Variants in KIRREL3 observed in about 807,000 individuals in gnomAD.
KIRREL3 encodes the protein kin of IRRE-like protein 3.
Under a neutral mutation model 89.7 loss-of-function variants are expected in KIRREL3, and 36 were observed. The ratio of observed to expected loss-of-function variants is 0.40; its 90% CI spans 0.31 to 0.53. The LOEUF is 0.53. KIRREL3 is among the 20% of genes least tolerant of loss of function. The pLI, the probability that KIRREL3 is intolerant of heterozygous loss-of-function variation, is 0.49. For missense variants in KIRREL3, 864 were observed against 1,056.6 expected (o/e 0.82, Z 2.53); for synonymous variants, 445 against 441.4 (o/e 1.01, Z -0.10).
Position 126,736,376 on chromosome 11 carries a change from G to A in KIRREL3, c.56-173464C>T, listed in dbSNP as rs923175360. 2.0e-5 allele frequency among the ~76,000 whole-genome samples: 3 copies of A among 152,160 alleles called. No homozygotes were observed. Among genetic ancestry groups the A allele is most frequent in the Non-Finnish European group, 2.9e-5 (2 of 68,046 alleles). On this transcript the variant is annotated intron_variant, in intron 1 of 16. Coordinates refer to ENST00000525144, the MANE Select transcript of KIRREL3 (RefSeq NM_032531.4). The surrounding 1 kb of genome is among the most constrained non-coding windows in gnomAD (Gnocchi z 5.0). ...TTGACAAGTCATACACAGCTAAAAC[G>A]TAGATGCCAGAGCCAGGATTTGATG...
chr11:126,520,958 G>A lies in KIRREL3; in HGVS notation c.433+357C>T, dbSNP rs901219438. On this transcript the variant is annotated intron_variant, in intron 4 of 16. Transcript: ENST00000525144. The surrounding 1 kb of genome is among the most constrained non-coding windows in gnomAD (Gnocchi z 4.9). ...TTCAGAAAGAAGGGACCCACAGCCT[G>A]TGCCACATTCTTCCTGGCACGGAGC... is the stretch of plus-strand genomic sequence containing the variant. Among the ~76,000 whole-genome samples, 1 of 152,206 alleles carries A rather than the reference G, an allele frequency of 6.6e-6. No individual in the cohort carries two copies. Among genetic ancestry groups the A allele is most frequent in the Non-Finnish European group, 1.5e-5 (1 of 68,036 alleles).
At chr11:126,809,393 A>G (rs1013034662) in intron 1 of KIRREL3, among the ~76,000 whole-genome samples, 5 of 152,218 alleles carry the variant, frequency 3.3e-5, no homozygotes, top group African/African-American at 1.2e-4. Flanking sequence ...TGGGTGACAC[A>G]GAAGACAGAC....
At chr11:126,745,542 C>T (rs1206205060) in intron 1 of KIRREL3, among the ~76,000 whole-genome samples, 4 of 151,828 alleles carry the variant, frequency 2.6e-5, no homozygotes, top group African/African-American at 9.7e-5. Flanking sequence ...TAACTGGTTG[C>T]ATTACTGTGA....
rs1165311762 is a variant in KIRREL3, at chr11:126,704,802, C to A, written c.56-141890G>T. Reference sequence around the variant, plus strand: ...ACAGGAACCACATCAGAATTGGTGACAAAACAAGCTGGGGGGCTCCTAAAG... The same window carrying A: ...ACAGGAACCACATCAGAATTGGTGAAAAAACAAGCTGGGGGGCTCCTAAAG... On this transcript the variant is annotated intron_variant, in intron 1 of 16. Transcript: ENST00000525144. The surrounding 1 kb of genome is among the most constrained non-coding windows in gnomAD (Gnocchi z 4.2). 2.0e-5 allele frequency among the ~76,000 whole-genome samples: 3 copies of A among 152,164 alleles called. No homozygotes were observed. The highest frequency in any genetic ancestry group is 2.9e-5 in the Non-Finnish European group (2 of 68,046).
In KIRREL3 at chr11:126,668,593, C is replaced by G. The variant is rs574412290; in HGVS notation, c.56-105681G>C. ...CTGTTCTTCCTCGTTAGTTTCTTCC[C>G]ACTTCTCTAGGATGACAGAGAGGCC... On this transcript the variant is annotated intron_variant, in intron 1 of 16. Coordinates refer to ENST00000525144, the MANE Select transcript of KIRREL3 (RefSeq NM_032531.4). The surrounding 1 kb of genome is among the most constrained non-coding windows in gnomAD (Gnocchi z 4.4). Among the ~76,000 whole-genome samples the G allele has an allele frequency of 1.3e-5, 2 of 152,102 alleles. No homozygotes were observed. Among genetic ancestry groups the G allele is most frequent in the Non-Finnish European group, 2.9e-5 (2 of 68,014 alleles).
chr11:126,922,536 C>T (rs559751649), intron 1 of KIRREL3, among the ~76,000 whole-genome samples: 1 of 152,170 alleles, frequency 6.6e-6, no homozygotes, highest in African/African-American at 2.4e-5. Context: ...AACGTTCCCT[C>T]CCATACAAGG....
At position 126,575,773 on chromosome 11, in the gene KIRREL3, C is replaced by T. The variant is rs1039391079; in HGVS notation, c.56-12861G>A. On this transcript the variant is annotated intron_variant, in intron 1 of 16. Coordinates refer to ENST00000525144, the MANE Select transcript of KIRREL3 (RefSeq NM_032531.4). This position sits in a 1 kb window ranked among gnomAD's most constrained non-coding sequence, Gnocchi z 7.0. ...GCCGCTGTTCCTTCTATCAGGGATT[C>T]TCACACCCCTCTCAAGCATCACATT... is the stretch of plus-strand genomic sequence containing the variant. Among the ~76,000 whole-genome samples the T allele has an allele frequency of 2.6e-5, 4 of 152,256 alleles. No homozygotes were observed. Among genetic ancestry groups the T allele is most frequent in the South Asian group, 4.2e-4 (2 of 4,816 alleles).
rs971423321 is a variant in KIRREL3 at position 126,995,103 on chromosome 11, G to C, written c.55+5352C>G. On this transcript the variant is annotated intron_variant, in intron 1 of 16. Transcript: ENST00000525144. This position sits in a 1 kb window ranked among gnomAD's most constrained non-coding sequence, Gnocchi z 6.5. ...AGGATGAAGCGATTACAACCTGGGC[G>C]CAGTATACTGGCTGGCTTTGCTGCT... 4.6e-6 allele frequency: 2 copies of C among 434,320 alleles called. No individual in the cohort carries two copies. The allele number at this position is 434,320 out of a possible 1,614,324, so 26.9% of individuals were successfully genotyped here.
chr11:126,980,951 T>C (rs1949705507), intron 1 of KIRREL3, among the ~76,000 whole-genome samples: 1 of 152,212 alleles, frequency 6.6e-6, no homozygotes, highest in Admixed American at 6.5e-5. Context: ...AAGATTCAGT[T>C]AGGACACAAT....
intron 6 of KIRREL3, among the ~76,000 whole-genome samples, chr11:126,460,427 CG>C (rs1956504647): frequency 6.6e-6 from 1 of 152,122 alleles, no homozygotes; most frequent in Non-Finnish European, 1.5e-5. Context: ...AGGAGGAAAT[CG>C]GGGCACAAGG....
Position 126,742,746 on chromosome 11 carries a change from G to C in KIRREL3, c.56-179834C>G, listed in dbSNP as rs1389619843. On this transcript the variant is annotated intron_variant, in intron 1 of 16. Coordinates refer to ENST00000525144, the MANE Select transcript of KIRREL3 (RefSeq NM_032531.4). The surrounding 1 kb of genome is among the most constrained non-coding windows in gnomAD (Gnocchi z 5.3). ...AGACAGTGGACTTTAGAACCAGGCAGGCAAACACAGCTTCAGGGTGAGGTT... is the reference window on the plus strand; with the variant it reads ...AGACAGTGGACTTTAGAACCAGGCACGCAAACACAGCTTCAGGGTGAGGTT... Among the ~76,000 whole-genome samples, 2 of 152,194 alleles carry C rather than the reference G, an allele frequency of 1.3e-5. No homozygotes were observed. The highest frequency in any genetic ancestry group is 1.3e-4 in the Admixed American group (2 of 15,280).
chr11:126,637,515 T>C (rs1413904185), intron 1 of KIRREL3, among the ~76,000 whole-genome samples: 3 of 152,180 alleles, frequency 2.0e-5, no homozygotes, highest in African/African-American at 7.2e-5. Context: ...TCCAGAACCC[T>C]GGTGGGCACA....
chr11:126,822,892 C>T (rs766105290), intron 1 of KIRREL3, among the ~76,000 whole-genome samples: 1 of 152,154 alleles, frequency 6.6e-6, no homozygotes, highest in African/African-American at 2.4e-5. Context: ...AGGAAACTCA[C>T]ACAGTGTTAT....
At chr11:126,913,863 G>A (rs1313700143) in intron 1 of KIRREL3, among the ~76,000 whole-genome samples, 1 of 152,184 alleles carries the variant, frequency 6.6e-6, no homozygotes, top group Non-Finnish European at 1.5e-5. Flanking sequence ...AGGGGTCTGT[G>A]TGGCTGACAC....
At chr11:126,726,884 A>G (rs1369755792) in intron 1 of KIRREL3, among the ~76,000 whole-genome samples, 1 of 152,006 alleles carries the variant, frequency 6.6e-6, no homozygotes, top group Non-Finnish European at 1.5e-5. Context: ...ACTCCTATTC[A>G]TCCTCTAAGA....
intron 6 of KIRREL3, among the ~76,000 whole-genome samples, chr11:126,456,867 C>T (rs965992414): frequency 8.5e-5 from 13 of 152,200 alleles, no homozygotes; most frequent in Admixed American, 1.3e-4. Context: ...ATCTCTTTTC[C>T]GTAAAGGTTC....
chr11:126,442,353 C>CACACAA (rs1555105027), intron 10 of KIRREL3, among the ~76,000 whole-genome samples: 5 of 113,684 alleles, frequency 4.4e-5, no homozygotes, highest in African/African-American at 1.6e-4. Flanking sequence ...CACACACACA[C>CACACAA]AAAACCTTTT....
At chr11:126,438,494 G>T (rs1159615439) in intron 11 of KIRREL3, among the ~76,000 whole-genome samples, 1 of 152,204 alleles carries the variant, frequency 6.6e-6, no homozygotes, top group African/African-American at 2.4e-5. Flanking sequence ...TACACACCCG[G>T]TGCCAGGAGT....
chr11:126,877,931 C>T lies in KIRREL3; in HGVS notation c.55+122524G>A, dbSNP rs1945351077. Among the ~76,000 whole-genome samples, 1 of 152,134 alleles carries T rather than the reference C, an allele frequency of 6.6e-6. No individual in the cohort carries two copies. The highest frequency in any genetic ancestry group is 6.5e-5 in the Admixed American group (1 of 15,280). ...TAAGGCTGGAACTCCCCCCTAGAGA[C>T]ATAGTCCAAGCTTCTCACTTCACCA... is the stretch of plus-strand genomic sequence containing the variant. On this transcript the variant is annotated intron_variant, in intron 1 of 16. Transcript: ENST00000525144. This position sits in a 1 kb window ranked among gnomAD's most constrained non-coding sequence, Gnocchi z 4.9.
Sources: allele counts gnomAD v4.1 joint callset (sites outside exome capture counted in the v4.1 genomes callset), GRCh38; gene constraint gnomAD v4.1.1; non-coding constraint Gnocchi (gnomAD v3.1); transcripts MANE v1.5; gene names NCBI Gene and HGNC (gene_info 2026-07-23, HGNC 2026-07-21).